WASHC3: variants seen among roughly 807,000 people sequenced by gnomAD.
WASHC3 encodes WASH complex subunit 3, also known as WASH complex subunit CCDC53.
A neutral mutation model predicts 26.1 loss-of-function variants in WASHC3; 24 were observed. The observed-to-expected ratio is 0.92, with a 90% CI of 0.66 to 1.29. The LOEUF is 1.29. WASHC3 is among the 50% of genes most tolerant of loss of function. The probability of loss-of-function intolerance (pLI) is 0.00; values close to 1 mark genes in which losing one functional copy is unlikely to be tolerated. For synonymous variants in WASHC3, 77 were observed against 75.7 expected, an observed-to-expected ratio of 1.02 and a Z score of -0.09; for missense variants, 214 against 229.6, an observed-to-expected ratio of 0.93 and a Z score of 0.44.
In WASHC3 at chr12:102,049,726, T is replaced by G. The variant is rs531244047; in HGVS notation, c.151-3607A>C. Reference sequence around the variant, plus strand: ...TAATGGATCTCTTGGTATACCCCACTGTGTTGCGTGTGCCCCAGAAGCCAG... The same window carrying G: ...TAATGGATCTCTTGGTATACCCCACGGTGTTGCGTGTGCCCCAGAAGCCAG... On this transcript the variant is annotated intron_variant, in intron 2 of 6. Transcript: ENST00000240079. Among the ~76,000 whole-genome samples the G allele has an allele frequency of 2.0e-5, 3 of 152,332 alleles. No homozygotes were observed. In the East Asian group the frequency reaches 5.8e-4, roughly 29 times the overall value.
At chr12:102,048,002 A>AT (rs1046641267) in intron 2 of WASHC3, among the ~76,000 whole-genome samples, 1 of 152,148 alleles carries the variant, frequency 6.6e-6, no homozygotes, top group Non-Finnish European at 1.5e-5. Flanking sequence ...ACTTCACGAG[A>AT]TTTTTTTGAG....
intron 6 of WASHC3, among the ~76,000 whole-genome samples, chr12:102,016,900 GTTAAT>G (rs1245127674): frequency 9.2e-5 from 14 of 152,258 alleles, no homozygotes; most frequent in African/African-American, 2.4e-4. Flanking sequence ...GTAAGCTAAG[GTTAAT>G]TTATTATTGA....
chr12:102,047,022 T>C (rs375639339), intron 2 of WASHC3, among the ~76,000 whole-genome samples: 3 of 152,266 alleles, frequency 2.0e-5, no homozygotes, highest in African/African-American at 7.2e-5. Context: ...AAATGCAAGA[T>C]AAACCAGATA....
chr12:102,043,489 G>C (rs1175032552), intron 4 of WASHC3: 4 of 152,132 alleles, frequency 2.6e-5, no homozygotes, highest in East Asian at 1.9e-4. Context: ...GGCTGATCTC[G>C]AACTCCTGAG....
intron 5 of WASHC3, among the ~76,000 whole-genome samples, chr12:102,032,333 T>C (rs1877471398): frequency 6.6e-6 from 1 of 152,194 alleles, no homozygotes; most frequent in Non-Finnish European, 1.5e-5. Flanking sequence ...CATTAGCTTC[T>C]TAATGTGGAA....
chr12:102,062,018 C>G (rs1167303937), upstream of WASHC3: 23 of 1,447,562 alleles, frequency 1.6e-5, no homozygotes, highest in Admixed American at 2.3e-4. Flanking sequence ...CAGATGGGGC[C>G]CGCCCAACCC....
chr12:102,021,035 T>C (rs1565811044), intron 6 of WASHC3, among the ~76,000 whole-genome samples: 2 of 152,010 alleles, frequency 1.3e-5, no homozygotes, highest in African/African-American at 4.8e-5. Context: ...TGAGGTGAGA[T>C]TGCACCACTG....
chr12:102,026,125 G>C (rs1400280951), intron 5 of WASHC3, 87 bp from the exon 6 acceptor site: 3 of 689,064 alleles, frequency 4.4e-6, no homozygotes, highest in Non-Finnish European at 4.9e-6. Context: ...ACCTTCAGAT[G>C]CCTCATTATT....
intron 4 of WASHC3, among the ~76,000 whole-genome samples, chr12:102,040,803 C>T (rs368510246): frequency 6.6e-6 from 1 of 151,824 alleles, no homozygotes; most frequent in African/African-American, 2.4e-5. Context: ...TTCTATCAAA[C>T]CAAACATTTA....
chr12:102,061,622 A>G (rs947466812), intron 1 of WASHC3, among the ~76,000 whole-genome samples: 1 of 152,224 alleles, frequency 6.6e-6, no homozygotes, highest in African/African-American at 2.4e-5. Flanking sequence ...TGGGGGCTGA[A>G]TAAGAGGTAG....
intron 5 of WASHC3, among the ~76,000 whole-genome samples, chr12:102,028,526 C>T (rs900484973): frequency 6.6e-6 from 1 of 151,738 alleles, no homozygotes; most frequent in Admixed American, 6.6e-5. Context: ...GCATAATCCA[C>T]AGGACGTCAT....
Position 102,044,131 on chromosome 12 carries a change from G to T in WASHC3, c.298C>A (p.Pro100Thr). The T allele has an allele frequency of 6.2e-7, 1 of 1,606,588 alleles. No homozygotes were observed. The highest frequency in any genetic ancestry group is 8.5e-7 in the Non-Finnish European group (1 of 1,175,372). Reference protein sequence around the residue: ...NVTSVTNGAHPEATSEQPQQN... With the variant: ...NVTSVTNGAHTEATSEQPQQN... ...TGTGGTTGCTCTGAAGTGGCTTCAGGATGTGCTCCATTTGTGACACTGGTG... is the reference window on the plus strand; with the variant it reads ...TGTGGTTGCTCTGAAGTGGCTTCAGTATGTGCTCCATTTGTGACACTGGTG... Residue 100 changes from proline (P) to threonine (T), a missense_variant, in exon 4 of 7, where the codon CCT (proline) becomes ACT (threonine). By Grantham distance (38) the Pro-to-Thr change is conservative. Transcript: ENST00000240079.
chr12:102,013,656 A>G (rs1274038101), intron 6 of WASHC3, among the ~76,000 whole-genome samples: 1 of 152,218 alleles, frequency 6.6e-6, no homozygotes, highest in East Asian at 1.9e-4. Flanking sequence ...AATGGCTAAT[A>G]AAAAAATAGG....
intron 2 of WASHC3, among the ~76,000 whole-genome samples, chr12:102,048,098 C>A (rs962772770): frequency 6.6e-6 from 1 of 152,076 alleles, no homozygotes; most frequent in South Asian, 2.1e-4. Context: ...ATGATCAATT[C>A]GTTTCTCACT....
At chr12:102,018,182 A>G (rs1043069000) in intron 6 of WASHC3, among the ~76,000 whole-genome samples, 1 of 152,198 alleles carries the variant, frequency 6.6e-6, no homozygotes, top group Non-Finnish European at 1.5e-5. Flanking sequence ...CCGTATGTAT[A>G]TACCATAATT....
intron 6 of WASHC3, among the ~76,000 whole-genome samples, chr12:102,019,549 A>C (rs753941966): frequency 6.6e-6 from 1 of 152,234 alleles, no homozygotes; most frequent in Non-Finnish European, 1.5e-5. Flanking sequence ...AATTTCCAAA[A>C]AAGATTACAT....
intron 6 of WASHC3, among the ~76,000 whole-genome samples, chr12:102,014,593 TGCTG>T (rs563002227): frequency 2.8e-4 from 43 of 152,344 alleles, no homozygotes; most frequent in South Asian, 1.0e-3. Context: ...GAGAAAATAA[TGCTG>T]GCATTGCTCC....
upstream of WASHC3, chr12:102,062,023 C>G (rs1443344567): frequency 2.1e-6 from 3 of 1,426,574 alleles, no homozygotes; most frequent in Non-Finnish European, 2.9e-6. Flanking sequence ...GGGGCCCGCC[C>G]AACCCGGTAA....
At chr12:102,030,981 AGGCAG>A (rs1156759270) in intron 5 of WASHC3, among the ~76,000 whole-genome samples, 21 of 152,204 alleles carry the variant, frequency 1.4e-4, no homozygotes, top group Admixed American at 3.3e-4. Context: ...AATACATAAT[AGGCAG>A]ATTTAATGTC....
Sources: gnomAD v4.1 joint callset for allele counts (sites outside exome capture counted in the v4.1 genomes callset) on GRCh38, gnomAD v4.1.1 for gene constraint, MANE v1.5 for transcripts, NCBI Gene and HGNC (gene_info 2026-07-23, HGNC 2026-07-21) for gene names.